XCR1: variants seen among roughly 807,000 people sequenced by gnomAD.
XCR1 encodes the protein X-C motif chemokine receptor 1, also known as chemokine XC receptor 1.
For synonymous variants in XCR1, 187 were observed against 188.5 expected (o/e 0.99, Z 0.06); for missense variants, 356 against 424.2 (o/e 0.84, Z 1.41).
chr3:46,075,308 C>CAAAAAAAAAAAAAAAAA (rs56787185), intron 2 of XCR1, among the ~76,000 whole-genome samples: 77 of 61,644 alleles, frequency 1.2e-3, no homozygotes, highest in African/African-American at 3.1e-3. Flanking sequence ...GCTCATAGAC[C>CAAAAAAAAAAAAAAAAA]AAAAAAAAAA....
rs1179726317 is a variant in XCR1, at chr3:46,019,463, G to C, written c.*1483C>G. On this transcript the variant is annotated 3_prime_UTR_variant, in exon 2 of 2. Transcript: ENST00000309285. ...CACAAGGTTGTTTTATTTTAGAGGG[G>C]ACAAGCAGAATCCCACGACAACCCA... 6.6e-6 allele frequency: 1 copy of C among 152,172 alleles called. No homozygotes were observed. Among genetic ancestry groups the C allele is most frequent in the Non-Finnish European group, 1.5e-5 (1 of 68,034 alleles). The allele number at this position is 152,172 out of a possible 1,614,324, so 9.4% of individuals were successfully genotyped here.
chr3:46,041,510 A>T (rs1575419943), intron 5 of XCR1, among the ~76,000 whole-genome samples: 1 of 152,264 alleles, frequency 6.6e-6, no homozygotes, highest in South Asian at 2.1e-4. Flanking sequence ...CTGCAAGGCC[A>T]CCCATGGTAT....
In XCR1 at chr3:46,020,545, A is replaced by G. The variant is rs1708119996; in HGVS notation, c.*401T>C. 5.4e-6 allele frequency: 1 copy of G among 183,574 alleles called. No homozygotes were observed. Among genetic ancestry groups the G allele is most frequent in the Non-Finnish European group, 1.1e-5 (1 of 87,092 alleles). 11.4% of individuals were successfully genotyped at this position (183,574 alleles called of 1,614,324 possible). ...AACCTTACAGTCAGGGAAGGGAGGC[A>G]TTGTCTTGTCAGCATCGTGCAGTTA... On this transcript the variant is annotated 3_prime_UTR_variant, in exon 2 of 2. Coordinates refer to ENST00000309285, the MANE Select transcript of XCR1 (RefSeq NM_001024644.2).
rs56787185 is a variant in XCR1 at position 46,075,308 on chromosome 3, CAAAAAAAAAAAAAAA to C, written c.-327-608_-327-594del. Among the ~76,000 whole-genome samples, 12 of 61,676 alleles carry C rather than the reference CAAAAAAAAAAAAAAA, an allele frequency of 1.9e-4. No individual in the cohort carries two copies. The Admixed American group carries it at 2.6e-3, about 13-fold the overall frequency. The allele number at this position is 61,676 out of a possible 152,430, so 40.5% of individuals were successfully genotyped here. ...CTAGAGCAACTAGATGCTCATAGAC[CAAAAAAAAAAAAAAA>C]AAAAAAACAACAAAAATCAAAACCA... is the stretch of plus-strand genomic sequence containing the variant. On this transcript the variant is annotated intron_variant, in intron 2 of 5. Coordinates refer to the XCR1 transcript ENST00000683768.
At chr3:46,034,370 G>T (rs1697378265) in intron 5 of XCR1, among the ~76,000 whole-genome samples, 2 of 152,036 alleles carry the variant, frequency 1.3e-5, no homozygotes, top group South Asian at 4.1e-4. Context: ...CATTCTTTGA[G>T]ATTTTATACT....
intron 1 of XCR1, chr3:46,022,258 TCATGCCA>T: frequency 7.2e-6 from 2 of 276,212 alleles, no homozygotes; most frequent in Admixed American, 4.7e-5. Flanking sequence ...AGAGCTGTGA[TCATGCCA>T]CTGCACTCCA....
intron 3 of XCR1, among the ~76,000 whole-genome samples, chr3:46,069,473 C>CG (rs1559494016): frequency 1.3e-5 from 2 of 151,974 alleles, no homozygotes; most frequent in South Asian, 2.1e-4. Context: ...AACCCTTGTA[C>CG]GGGGGGGTTA....
intron 5 of XCR1, among the ~76,000 whole-genome samples, chr3:46,053,493 T>C (rs571011252): frequency 2.2e-4 from 34 of 152,286 alleles, no homozygotes; most frequent in East Asian, 1.7e-3. Context: ...TTATTTTCAA[T>C]TGGAGCTGTG....
rs142036162 is a variant in XCR1, at chr3:46,085,424, G to C, written c.-515+370C>G. Among the ~76,000 whole-genome samples, 46 of 152,194 alleles carry C rather than the reference G, an allele frequency of 3.0e-4. No homozygotes were observed. The East Asian group carries it at 8.7e-3, about 29-fold the overall frequency. ...CCTCTTGAATTCCTCTGATGCTTTC[G>C]ATCTTATCATGACAATTGTTCTGCA... On this transcript the variant is annotated intron_variant, in intron 1 of 5. Transcript: ENST00000683768.
At chr3:46,035,411 A>T (rs1697407485) in intron 5 of XCR1, among the ~76,000 whole-genome samples, 1 of 152,190 alleles carries the variant, frequency 6.6e-6, no homozygotes, top group Non-Finnish European at 1.5e-5. Flanking sequence ...TGTCTCAGTC[A>T]TTGGTTTTCT....
At chr3:46,050,029 G>A (rs1051471500) in intron 5 of XCR1, among the ~76,000 whole-genome samples, 1 of 152,182 alleles carries the variant, frequency 6.6e-6, no homozygotes, top group Non-Finnish European at 1.5e-5. Context: ...AAACTTGCAA[G>A]GTTTTGACTG....
intron 3 of XCR1, among the ~76,000 whole-genome samples, chr3:46,071,661 A>G (rs1262207318): frequency 6.6e-6 from 1 of 152,230 alleles, no homozygotes; most frequent in East Asian, 1.9e-4. Flanking sequence ...CAACATATGC[A>G]AATCAATACA....
At chr3:46,044,801 G>A (rs184120183) in intron 5 of XCR1, among the ~76,000 whole-genome samples, 1 of 152,182 alleles carries the variant, frequency 6.6e-6, no homozygotes, top group East Asian at 1.9e-4. Context: ...ACTCACACAA[G>A]GAGAAATACA....
chr3:46,032,135 A>G (rs1708407058), upstream of XCR1, among the ~76,000 whole-genome samples: 1 of 152,240 alleles, frequency 6.6e-6, no homozygotes, highest in African/African-American at 2.4e-5. Context: ...GGTGACGCTA[A>G]AAGAACTGTA....
In XCR1 at chr3:46,081,706, T is replaced by TA. The variant is rs71619625; in HGVS notation, c.-515+4087dup. ...CTTTTCTTTTTTTCTTTTTTTTTTT[T>TA]AAAAATCTTATTCTAGATTTGGGGA... On this transcript the variant is annotated intron_variant, in intron 1 of 5. Transcript: ENST00000683768. 1.5e-3 allele frequency among the ~76,000 whole-genome samples: 232 copies of TA among 149,782 alleles called. 2 individuals are homozygous for TA. The highest frequency in any genetic ancestry group is 0.011 in the East Asian group (57 of 5,128).
chr3:46,061,417 G>C lies in XCR1; in HGVS notation c.-183+5482C>G, dbSNP rs527964852. ...CCATGGCCACTTTGTCCATGAATCT[G>C]TTGGGAGATGACAGGAGTGTCTGGA... On this transcript the variant is annotated intron_variant, in intron 4 of 5. Coordinates refer to the XCR1 transcript ENST00000683768. Among the ~76,000 whole-genome samples the C allele has an allele frequency of 5.3e-5, 8 of 152,346 alleles. No homozygotes were observed. In the East Asian group the frequency reaches 1.5e-3, roughly 29 times the overall value.
intron 5 of XCR1, among the ~76,000 whole-genome samples, chr3:46,033,408 A>C (rs1697343433): frequency 6.6e-6 from 1 of 152,196 alleles, no homozygotes; most frequent in African/African-American, 2.4e-5. Flanking sequence ...GTAGATGTAC[A>C]ATTGTTCTAG....
intron 4 of XCR1, among the ~76,000 whole-genome samples, chr3:46,054,092 C>G (rs1345192126): frequency 3.3e-5 from 5 of 152,016 alleles, no homozygotes; most frequent in Non-Finnish European, 7.4e-5. Context: ...GGGGCAAACG[C>G]GGGAATAAAA....
intron 1 of XCR1, among the ~76,000 whole-genome samples, chr3:46,026,554 G>A (rs752412347): frequency 7.9e-5 from 12 of 151,182 alleles, no homozygotes; most frequent in African/African-American, 1.2e-4. Context: ...TCTACTCAAA[G>A]TATGGTTCCC....
Sources: gnomAD v4.1 joint callset for allele counts (sites outside exome capture counted in the v4.1 genomes callset) on GRCh38, gnomAD v4.1.1 for gene constraint, MANE v1.5 for transcripts, NCBI Gene and HGNC (gene_info 2026-07-23, HGNC 2026-07-21) for gene names.